NELL1: variants seen among roughly 807,000 people sequenced by gnomAD.
NELL1 encodes protein kinase C-binding protein NELL1.
NELL1 carries 76 observed loss-of-function variants against 107.4 expected under a neutral mutation model. The observed-to-expected ratio is 0.71, with a 90% CI of 0.59 to 0.86. NELL1 has a LOEUF of 0.86. Ranked by LOEUF, NELL1 falls within the 40% of genes least tolerant of loss-of-function variation. NELL1 has a pLI of 0.00. For synonymous variants in NELL1, 353 were observed against 341.2 expected (o/e 1.03, Z -0.38); for missense variants, 1,024 against 1,005.5 (o/e 1.02, Z -0.25).
At chr11:21,189,322 A>G in intron 13 of NELL1, among the ~76,000 whole-genome samples, 1 of 151,874 alleles carries the variant, frequency 6.6e-6, no homozygotes, top group East Asian at 1.9e-4. Flanking sequence ...AATTGCTTCT[A>G]AAGTTTGGAA....
intron 15 of NELL1, among the ~76,000 whole-genome samples, chr11:21,482,864 A>G (rs1854528008): frequency 6.6e-6 from 1 of 152,138 alleles, no homozygotes; most frequent in South Asian, 2.1e-4. Context: ...TAGCATTAAA[A>G]TTGAAACAAA....
chr11:21,110,448 A>G (rs560687761), intron 12 of NELL1, among the ~76,000 whole-genome samples: 50 of 152,246 alleles, frequency 3.3e-4, no homozygotes, highest in African/African-American at 1.1e-3. Context: ...TGAAACAAAG[A>G]AATAGCTTGG....
intron 12 of NELL1, among the ~76,000 whole-genome samples, chr11:21,094,537 C>A (rs531784186): frequency 6.6e-6 from 1 of 152,232 alleles, no homozygotes; most frequent in African/African-American, 2.4e-5. Context: ...CAGAGGCTCT[C>A]CATGAGTGTC....
intron 13 of NELL1, among the ~76,000 whole-genome samples, chr11:21,188,285 C>T (rs1856975468): frequency 6.6e-6 from 1 of 151,808 alleles, no homozygotes. Flanking sequence ...GGACAGTTCT[C>T]ATGATTCTGG....
At chr11:20,985,123 C>T (rs560980798) in intron 12 of NELL1, among the ~76,000 whole-genome samples, 37 of 152,178 alleles carry the variant, frequency 2.4e-4, no homozygotes, top group Non-Finnish European at 4.4e-4. Flanking sequence ...AGATATATCT[C>T]GCCTCATTTC....
chr11:20,680,264 C>T (rs2133853172), intron 2 of NELL1, among the ~76,000 whole-genome samples: 1 of 152,178 alleles, frequency 6.6e-6, no homozygotes, highest in South Asian at 2.1e-4. Context: ...ATTTTGTTTG[C>T]CACAAAGTCT....
intron 2 of NELL1, among the ~76,000 whole-genome samples, chr11:20,704,605 G>T (rs952595411): frequency 3.9e-5 from 6 of 152,140 alleles, no homozygotes; most frequent in Non-Finnish European, 7.4e-5. Flanking sequence ...AGCCTTGATG[G>T]TCTTTAGAGT....
At chr11:20,717,014 A>G (rs1425120845) in intron 2 of NELL1, among the ~76,000 whole-genome samples, 2 of 152,228 alleles carry the variant, frequency 1.3e-5, no homozygotes, top group East Asian at 1.9e-4. Context: ...TAATACCACA[A>G]TGTATTCATT....
At chr11:20,713,488 C>T (rs1278529551) in intron 2 of NELL1, among the ~76,000 whole-genome samples, 1 of 152,144 alleles carries the variant, frequency 6.6e-6, no homozygotes, top group Non-Finnish European at 1.5e-5. Context: ...AACACCCACG[C>T]AGTTGGTGAG....
intron 13 of NELL1, among the ~76,000 whole-genome samples, chr11:21,203,757 C>A (rs1857325405): frequency 6.6e-6 from 1 of 151,798 alleles, no homozygotes; most frequent in South Asian, 2.1e-4. Context: ...CTACTGGTTC[C>A]TTTTCATGTT....
chr11:20,708,995 AT>A (rs1417740669), intron 2 of NELL1, among the ~76,000 whole-genome samples: 5 of 152,152 alleles, frequency 3.3e-5, no homozygotes, highest in African/African-American at 1.2e-4. Context: ...AATAGGGGTC[AT>A]GCTCCTATGA....
intron 3 of NELL1, among the ~76,000 whole-genome samples, chr11:20,835,205 A>G (rs1426368730): frequency 6.6e-6 from 1 of 152,072 alleles, no homozygotes; most frequent in Non-Finnish European, 1.5e-5. Context: ...TCAAGATTGG[A>G]TCTCCTCTCC....
intron 12 of NELL1, among the ~76,000 whole-genome samples, chr11:21,108,793 G>A (rs954338567): frequency 2.6e-5 from 4 of 152,142 alleles, no homozygotes; most frequent in African/African-American, 9.7e-5. Flanking sequence ...AGCCAAGGAA[G>A]CAGTGATGCA....
Position 20,969,448 on chromosome 11 carries a change from A to G in NELL1, c.1300+8888A>G, listed in dbSNP as rs76491123. Among the ~76,000 whole-genome samples the G allele has an allele frequency of 5.7e-3, 864 of 152,266 alleles. 12 individuals carry two copies. The highest frequency in any genetic ancestry group is 0.02 in the African/African-American group (820 of 41,546). Reference sequence around the variant, plus strand: ...AAAGAGGATGCTTTATAATTAAGAGAGTCTTCAAACCATTAAATTCCAAGC... The same window carrying G: ...AAAGAGGATGCTTTATAATTAAGAGGGTCTTCAAACCATTAAATTCCAAGC... On this transcript the variant is annotated intron_variant, in intron 12 of 19. Coordinates refer to ENST00000357134, the MANE Select transcript of NELL1 (RefSeq NM_006157.5).
intron 9 of NELL1, among the ~76,000 whole-genome samples, chr11:20,935,076 A>G (rs1850695454): frequency 1.3e-5 from 2 of 152,180 alleles, no homozygotes; most frequent in South Asian, 4.1e-4. Context: ...TTGGAAAATT[A>G]TTATTACTCT....
intron 15 of NELL1, among the ~76,000 whole-genome samples, chr11:21,405,260 A>G (rs1852208002): frequency 1.3e-5 from 2 of 152,130 alleles, no homozygotes; most frequent in Admixed American, 1.3e-4. Flanking sequence ...CATTTCAATG[A>G]TGGCTTGTTC....
At chr11:21,027,918 A>G (rs1852857078) in intron 12 of NELL1, among the ~76,000 whole-genome samples, 2 of 152,140 alleles carry the variant, frequency 1.3e-5, no homozygotes, top group African/African-American at 4.8e-5. Flanking sequence ...GCTGTGCTTC[A>G]TGCAATGCTG....
intron 2 of NELL1, among the ~76,000 whole-genome samples, chr11:20,733,889 C>A (rs376056280): frequency 1.3e-5 from 2 of 152,050 alleles, no homozygotes; most frequent in Non-Finnish European, 2.9e-5. Context: ...TGCATTCTAG[C>A]GTAGACAGTC....
intron 13 of NELL1, among the ~76,000 whole-genome samples, chr11:21,154,265 G>A (rs1856182786): frequency 6.6e-6 from 1 of 152,188 alleles, no homozygotes; most frequent in South Asian, 2.1e-4. Flanking sequence ...TGAAATATAT[G>A]ATGATCAAAA....
Sources: allele counts gnomAD v4.1 joint callset (sites outside exome capture counted in the v4.1 genomes callset), GRCh38; gene constraint gnomAD v4.1.1; transcripts MANE v1.5; gene names NCBI Gene and HGNC (gene_info 2026-07-23, HGNC 2026-07-21).